Variants in DPP10 observed in about 807,000 individuals in gnomAD.
DPP10 encodes inactive dipeptidyl peptidase 10.
In DPP10, 33 loss-of-function variants were observed where a neutral mutation model predicts 120.9. The ratio of observed to expected loss-of-function variants is 0.27; its 90% confidence interval spans 0.21 to 0.37. The LOEUF is 0.37. Among genes scored for constraint, DPP10 ranks in the 10% least tolerant of loss-of-function variants. The pLI is 1.00. For synonymous variants in DPP10, 337 were observed against 326.1 expected (o/e 1.03, Z -0.36); for missense variants, 816 against 942.8 (o/e 0.87, Z 1.76).
chr2:115,444,855 A>G (rs1257057406), intron 3 of DPP10, among the ~76,000 whole-genome samples: 2 of 152,168 alleles, frequency 1.3e-5, no homozygotes, highest in Admixed American at 1.3e-4. Context: ...CTATAACAAG[A>G]TTCAATTATC....
intron 1 of DPP10, among the ~76,000 whole-genome samples, chr2:115,146,329 G>A (rs558289883): frequency 2.1e-4 from 32 of 152,056 alleles, no homozygotes; most frequent in Non-Finnish European, 3.4e-4. Context: ...TCAAGATTAA[G>A]AGCCATTATA....
intron 3 of DPP10, 147 bp from the exon 4 acceptor site, chr2:115,499,363 A>G (rs2148787243): frequency 1.7e-6 from 1 of 599,108 alleles, no homozygotes; most frequent in South Asian, 2.5e-5. Context: ...ACGAGAATGA[A>G]TGCCAAGTAC....
intron 3 of DPP10, among the ~76,000 whole-genome samples, chr2:115,377,112 T>C (rs1172227553): frequency 2.6e-5 from 4 of 152,180 alleles, no homozygotes; most frequent in South Asian, 2.1e-4. Context: ...TTCTAGATCC[T>C]GGAGGAGTCG....
chr2:115,379,187 T>G (rs1446699268), intron 3 of DPP10, among the ~76,000 whole-genome samples: 1 of 152,186 alleles, frequency 6.6e-6, no homozygotes, highest in Non-Finnish European at 1.5e-5. Flanking sequence ...GGTCCTGGAC[T>G]TTTTTTGGTA....
chr2:115,679,676 A>C (rs2090514517), intron 5 of DPP10, among the ~76,000 whole-genome samples: 1 of 152,220 alleles, frequency 6.6e-6, no homozygotes, highest in Non-Finnish European at 1.5e-5. Flanking sequence ...CAAAATAATA[A>C]AATTCTGTTA....
In DPP10 at chr2:115,830,184, C is replaced by G. The variant is rs148789563; in HGVS notation, c.1951-5973C>G. ...CAGCCTGGCCAACATGGTGAAACCC[C>G]GTCTCTGCTAAAAAAGTACAAAAAT... On this transcript the variant is annotated intron_variant, in intron 21 of 25. Coordinates refer to ENST00000410059, the MANE Select transcript of DPP10 (RefSeq NM_020868.6). Among the ~76,000 whole-genome samples the G allele has an allele frequency of 1.8e-4, 28 of 151,800 alleles. 1 individual carries two copies. Among genetic ancestry groups the G allele is most frequent in the South Asian group, 8.3e-4 (4 of 4,794 alleles).
chr2:114,889,993 A>G (rs1692406354), intron 1 of DPP10, among the ~76,000 whole-genome samples: 1 of 152,222 alleles, frequency 6.6e-6, no homozygotes, highest in Non-Finnish European at 1.5e-5. Flanking sequence ...AATGCTTACT[A>G]CTGTGTCGAA....
At chr2:114,691,041 T>C (rs1275117337) in intron 1 of DPP10, among the ~76,000 whole-genome samples, 1 of 152,058 alleles carries the variant, frequency 6.6e-6, no homozygotes, top group Non-Finnish European at 1.5e-5. Context: ...CCTCTCTTCC[T>C]ATCTGAATAC....
intron 5 of DPP10, among the ~76,000 whole-genome samples, chr2:115,621,015 T>C (rs1169020912): frequency 6.6e-6 from 1 of 152,172 alleles, no homozygotes; most frequent in Admixed American, 6.5e-5. Context: ...GCTGTTCATA[T>C]CTCAAAATAA....
chr2:115,440,468 T>C (rs938369772), intron 3 of DPP10, among the ~76,000 whole-genome samples: 1 of 146,452 alleles, frequency 6.8e-6, no homozygotes, highest in East Asian at 2.0e-4. Context: ...ATTATTTTAC[T>C]ATGCAATTTC....
At chr2:115,051,740 C>T (rs1006908280) in intron 1 of DPP10, among the ~76,000 whole-genome samples, 1 of 151,976 alleles carries the variant, frequency 6.6e-6, no homozygotes, top group Non-Finnish European at 1.5e-5. Context: ...GATGAATAAG[C>T]TCTAGAGATG....
intron 1 of DPP10, among the ~76,000 whole-genome samples, chr2:114,860,455 C>T (rs115965495): frequency 1.1e-3 from 164 of 152,138 alleles, no homozygotes; most frequent in Middle Eastern, 6.8e-3. Context: ...GGTGCTAGAG[C>T]CAAAATTTTA....
At chr2:115,707,563 T>G (rs2092165918) in intron 7 of DPP10, among the ~76,000 whole-genome samples, 1 of 150,358 alleles carries the variant, frequency 6.7e-6, no homozygotes, top group Non-Finnish European at 1.5e-5. Flanking sequence ...GTAAATATAT[T>G]ACACATGTGT....
chr2:115,096,554 TATAC>T (rs1709761399), intron 1 of DPP10, among the ~76,000 whole-genome samples: 2 of 152,050 alleles, frequency 1.3e-5, no homozygotes, highest in Non-Finnish European at 2.9e-5. Flanking sequence ...TTCATATACA[TATAC>T]ACATACATAT....
chr2:114,836,721 C>A (rs564005228), intron 1 of DPP10, among the ~76,000 whole-genome samples: 1 of 152,098 alleles, frequency 6.6e-6, no homozygotes. Context: ...GGAATTTCCT[C>A]GTCCTAATAA....
intron 4 of DPP10, among the ~76,000 whole-genome samples, chr2:115,514,211 A>G (rs1014835210): frequency 1.3e-5 from 2 of 151,874 alleles, no homozygotes; most frequent in Non-Finnish European, 2.9e-5. Context: ...AGTTTTGTCA[A>G]CTTGACTATG....
At chr2:114,593,420 A>T (rs1018650469) in intron 1 of DPP10, among the ~76,000 whole-genome samples, 4 of 152,174 alleles carry the variant, frequency 2.6e-5, no homozygotes, top group African/African-American at 7.2e-5. Context: ...GTGAAATAAG[A>T]TGTAGACCTG....
At chr2:115,834,887 C>A (rs1463569072) in intron 21 of DPP10, among the ~76,000 whole-genome samples, 1 of 152,002 alleles carries the variant, frequency 6.6e-6, no homozygotes, top group Non-Finnish European at 1.5e-5. Flanking sequence ...GAGATCGAGA[C>A]CATCCTGGCT....
chr2:115,205,992 TAACTAC>T (rs2056095568), intron 1 of DPP10, among the ~76,000 whole-genome samples: 1 of 152,164 alleles, frequency 6.6e-6, no homozygotes, highest in South Asian at 2.1e-4. Context: ...TCTATCCTTG[TAACTAC>T]CTGCATATGT....
Sources: allele counts gnomAD v4.1 joint callset (sites outside exome capture counted in the v4.1 genomes callset), GRCh38; gene constraint gnomAD v4.1.1; transcripts MANE v1.5; gene names NCBI Gene and HGNC (gene_info 2026-07-23, HGNC 2026-07-21).